The following CENPF variants were observed in gnomAD, a reference collection of about 807,000 sequenced individuals.
CENPF encodes AH antigen.
CENPF carries 214 observed loss-of-function variants against 307.3 expected under a neutral mutation model. The observed-to-expected ratio is 0.70, with a 90% CI of 0.62 to 0.78. The LOEUF is 0.78. Ranked by LOEUF, CENPF falls within the 30% of genes least tolerant of loss-of-function variation. CENPF has a pLI of 0.00. For missense variants in CENPF, 3,401 were observed against 3,483.9 expected, an observed-to-expected ratio of 0.98 and a Z score of 0.60; for synonymous variants, 1,259 against 1,270.6, an observed-to-expected ratio of 0.99 and a Z score of 0.19.
intron 15 of CENPF, among the ~76,000 whole-genome samples, 182 bp downstream of exon 15, chr1:214,652,068 A>ATTT (rs35011701): frequency 3.1e-5 from 4 of 127,092 alleles, no homozygotes; most frequent in Admixed American, 7.8e-5. Context: ...TTATCAGTTG[A>ATTT]TTTTTTTTTT....
rs762630471 is a variant in CENPF at position 214,637,876 on chromosome 1, A to C, written c.1457A>C (p.Lys486Thr). 1 of 1,601,062 alleles carries C rather than the reference A, an allele frequency of 6.2e-7. No homozygotes were observed. The highest frequency in any genetic ancestry group is 8.5e-7 in the Non-Finnish European group (1 of 1,177,314). ...ELRRSMEEMKKENNLLKSHSE... is the reference protein window; with the variant it reads ...ELRRSMEEMKTENNLLKSHSE... Reference sequence around the variant, plus strand: ...AAATGTGTGTTTTAGGAAATGAAGAAGGAAAACAACCTCCTTAAGAGTCAC... The same window carrying C: ...AAATGTGTGTTTTAGGAAATGAAGACGGAAAACAACCTCCTTAAGAGTCAC... Residue 486 changes from lysine to threonine, a missense_variant, in exon 11 of 20, where the codon AAG (lysine) becomes ACG (threonine). Physicochemically the swap from Lys to Thr is moderately conservative, Grantham distance 78. Coordinates refer to ENST00000366955, the MANE Select transcript of CENPF (RefSeq NM_016343.4).
At chr1:214,604,920 C>T (rs1457965083) in intron 1 of CENPF, among the ~76,000 whole-genome samples, 1 of 152,040 alleles carries the variant, frequency 6.6e-6, no homozygotes, top group African/African-American at 2.4e-5. Flanking sequence ...TGTCTAAGAC[C>T]TTTGCTTCTC....
At chr1:214,606,583 T>C (rs1312053427) in intron 1 of CENPF, among the ~76,000 whole-genome samples, 2 of 152,066 alleles carry the variant, frequency 1.3e-5, no homozygotes, top group Non-Finnish European at 2.9e-5. Flanking sequence ...CCCAAATGTC[T>C]CCACCCAATT....
chr1:214,644,988 A>C lies in CENPF; in HGVS notation c.5418A>C (p.Glu1806Asp). Residue 1806 changes from glutamate to aspartate, a missense_variant, in exon 13 of 20, where the codon GAA (glutamate) becomes GAC (aspartate). By Grantham distance (45) the Glu-to-Asp change is conservative. Coordinates refer to ENST00000366955, the MANE Select transcript of CENPF (RefSeq NM_016343.4). ...KVESLLNEMKELDSKLHLQEV... is the reference protein window; with the variant it reads ...KVESLLNEMKDLDSKLHLQEV... The stretch of plus-strand genomic sequence containing the variant: ...AAAGTTTGCTAAATGAAATGAAAGA[A>C]TTAGACTCAAAACTCCATTTACAGG... 1 of 1,613,406 alleles carries C rather than the reference A, an allele frequency of 6.2e-7. No individual in the cohort carries two copies. Among genetic ancestry groups the C allele is most frequent in the Non-Finnish European group, 8.5e-7 (1 of 1,179,782 alleles).
At chr1:214,614,359 T>C (rs543445212) in intron 2 of CENPF, among the ~76,000 whole-genome samples, 2 of 152,244 alleles carry the variant, frequency 1.3e-5, no homozygotes, top group East Asian at 3.9e-4. Context: ...CTTTTTACCT[T>C]GGTATTCCTC....
At chr1:214,660,724 C>T (rs958961517) in intron 19 of CENPF, among the ~76,000 whole-genome samples, 6 of 152,234 alleles carry the variant, frequency 3.9e-5, no homozygotes, top group Non-Finnish European at 7.3e-5. Context: ...AAGTATTTGA[C>T]TCTCTTAGAA....
At chr1:214,616,006 C>A (rs1378723463) in intron 3 of CENPF, among the ~76,000 whole-genome samples, 1 of 152,050 alleles carries the variant, frequency 6.6e-6, no homozygotes, top group African/African-American at 2.4e-5. Flanking sequence ...AAATGCATTG[C>A]AGAAACTTAT....
At chr1:214,618,167 G>GC (rs1471701561) in intron 3 of CENPF, among the ~76,000 whole-genome samples, 1 of 152,072 alleles carries the variant, frequency 6.6e-6, no homozygotes, top group Non-Finnish European at 1.5e-5. Flanking sequence ...TGGGAAAACT[G>GC]CCCCCATGAT....
At chr1:214,623,716 C>T (rs1220164246) in intron 7 of CENPF, among the ~76,000 whole-genome samples, 2 of 151,878 alleles carry the variant, frequency 1.3e-5, no homozygotes, top group African/African-American at 4.8e-5. Context: ...GGGGCTGGAA[C>T]AGTGATAAAT....
intron 7 of CENPF, among the ~76,000 whole-genome samples, chr1:214,623,779 A>G (rs1476926980): frequency 6.6e-6 from 1 of 152,222 alleles, no homozygotes; most frequent in Non-Finnish European, 1.5e-5. Flanking sequence ...AACAAAAATC[A>G]TTGCTTTGTG....
At chr1:214,652,421 G>C (rs1658506815) in intron 15 of CENPF, among the ~76,000 whole-genome samples, 1 of 150,134 alleles carries the variant, frequency 6.7e-6, no homozygotes, top group Non-Finnish European at 1.5e-5. Flanking sequence ...GGAAAGGCAG[G>C]GTTTTGTTTT....
At chr1:214,605,674 G>A (rs1224493088) in intron 1 of CENPF, 11 of 1,581,694 alleles carry the variant, frequency 7.0e-6, no homozygotes, top group Non-Finnish European at 8.5e-6. Flanking sequence ...TGGTGCCGCC[G>A]CTAGGCGAGC....
At chr1:214,629,001 G>A in intron 7 of CENPF, 45 bp from the exon 8 acceptor site, 1 of 1,395,266 alleles carries the variant, frequency 7.2e-7, no homozygotes. Context: ...GTTCATTTAT[G>A]TGAGTAATAT....
rs775708869 is a variant in CENPF at position 214,641,823 on chromosome 1, C to T, written c.3485C>T (p.Thr1162Ile). Residue 1162 changes from threonine to isoleucine, a missense_variant, in exon 12 of 20, where the codon ACT (threonine) becomes ATT (isoleucine). Physicochemically the swap from Thr to Ile is moderately conservative, Grantham distance 89. Coordinates refer to ENST00000366955, the MANE Select transcript of CENPF (RefSeq NM_016343.4). The part of the protein sequence containing the change: ...ENEQLMKVMK[T>I]KHECQNLESE... ...GAACAGCTGATGAAGGTAATGAAGA[C>T]TAAACATGAATGTCAAAATCTAGAA... 6.2e-7 allele frequency: 1 copy of T among 1,608,688 alleles called. No individual in the cohort carries two copies. The highest frequency in any genetic ancestry group is 1.3e-5 in the African/African-American group (1 of 74,468).
At position 214,647,182 on chromosome 1, in the gene CENPF, G is replaced by A. The variant is rs750934379; in HGVS notation, c.7612G>A (p.Val2538Ile). Residue 2538 changes from valine (V) to isoleucine (I), a missense_variant, in exon 13 of 20, where the codon GTC (valine) becomes ATC (isoleucine). Val to Ile is a conservative substitution (Grantham distance 29). Transcript: ENST00000366955. ...TCAAATTCAAGACCAAGAGCAGCTT[G>A]TCTCTAAACTGTCCCAGGTGGAAGG... ...KNQIQDQEQL[V>I]SKLSQVEGEH... 1 of 1,613,978 alleles carries A rather than the reference G, an allele frequency of 6.2e-7. No individual in the cohort carries two copies. The highest frequency in any genetic ancestry group is 1.3e-5 in the African/African-American group (1 of 74,930).
intron 1 of CENPF, chr1:214,613,092 C>A: frequency 3.2e-6 from 1 of 313,318 alleles, no homozygotes; most frequent in Non-Finnish European, 6.1e-6. Flanking sequence ...ACTGATATGG[C>A]TTTTTGGTCC....
In CENPF at chr1:214,644,592, A is replaced by C; in HGVS notation, c.5022A>C (p.Ser1674=). ...GCCGAAATGAGAGCTGTGACATATC[A>C]AAAGAACATACTTCAGAAACTACAG... is the stretch of plus-strand genomic sequence containing the variant. ...IQGRNESCDI[S]KEHTSETTER... Residue 1674 remains serine, a synonymous_variant, in exon 13 of 20, where the codon TCA becomes TCC. Coordinates refer to ENST00000366955, the MANE Select transcript of CENPF (RefSeq NM_016343.4). 1 of 1,611,084 alleles carries C rather than the reference A, an allele frequency of 6.2e-7. No homozygotes were observed.
In CENPF at chr1:214,651,794, G is replaced by T; in HGVS notation, c.8068G>T (p.Gly2690Trp). 1 of 1,613,550 alleles carries T rather than the reference G, an allele frequency of 6.2e-7. No homozygotes were observed. Among genetic ancestry groups the T allele is most frequent in the South Asian group, 1.1e-5 (1 of 91,006 alleles). ...GCACAAAGACCAGGTGGAAAAGGAAGGGAAAGTGAGAGAGGAAATAGCTGA... is the reference window on the plus strand; with the variant it reads ...GCACAAAGACCAGGTGGAAAAGGAATGGAAAGTGAGAGAGGAAATAGCTGA... ...CMHKDQVEKE[G>W]KVREEIAEYQ... Residue 2690 changes from glycine to tryptophan, a missense_variant, in exon 15 of 20, where the codon GGG becomes TGG. Physicochemically the swap from Gly to Trp is radical, Grantham distance 184. Transcript: ENST00000366955.
In CENPF at chr1:214,640,566, C is replaced by T; in HGVS notation, c.2228C>T (p.Ser743Leu). ...CTAGAACACAAGCTTCAGTTACTGT[C>T]AAATGAAATAATGGACAAAGACCGG... ...EDLEHKLQLL[S>L]NEIMDKDRCY... is the part of the protein sequence containing the mutation. Residue 743 changes from serine (S) to leucine (L), a missense_variant, in exon 12 of 20, where the codon TCA (serine) becomes TTA (leucine). Transcript: ENST00000366955. The T allele has an allele frequency of 6.2e-7, 1 of 1,613,998 alleles. No homozygotes were observed. Among genetic ancestry groups the T allele is most frequent in the Non-Finnish European group, 8.5e-7 (1 of 1,179,948 alleles).
Sources: allele counts gnomAD v4.1 joint callset (sites outside exome capture counted in the v4.1 genomes callset), GRCh38; gene constraint gnomAD v4.1.1; transcripts MANE v1.5; gene names NCBI Gene and HGNC (gene_info 2026-07-23, HGNC 2026-07-21).